Variants in SHISA6 observed in about 807,000 individuals in gnomAD.
The protein encoded by SHISA6 is shisa family member 6.
SHISA6 carries 22 observed loss-of-function variants against 47.9 expected under a neutral mutation model. The observed-to-expected ratio is 0.46, with a 90% confidence interval of 0.33 to 0.66. SHISA6 has a LOEUF of 0.66. Ranked by LOEUF, SHISA6 falls within the 30% of genes least tolerant of loss-of-function variation. The probability of loss-of-function intolerance (pLI) is 0.02; values close to 1 mark genes in which losing one functional copy is unlikely to be tolerated. For missense variants in SHISA6, 680 were observed against 764.6 expected, an observed-to-expected ratio of 0.89 and a Z score of 1.30; for synonymous variants, 388 against 337.8, an observed-to-expected ratio of 1.15 and a Z score of -1.63.
At chr17:11,369,031 T>C (rs7208113) in intron 2 of SHISA6, among the ~76,000 whole-genome samples, 75,795 of 152,026 alleles carry the variant, frequency 0.5, 19,313 homozygotes, top group Middle Eastern at 0.6. Context: ...ATGAAGATAA[T>C]TTAGAAAGCA....
At chr17:11,491,335 G>T (rs1916470358) in intron 3 of SHISA6, among the ~76,000 whole-genome samples, 1 of 152,128 alleles carries the variant, frequency 6.6e-6, no homozygotes, top group Non-Finnish European at 1.5e-5. Flanking sequence ...TGTTACCTAG[G>T]CTGTAATGCA....
At chr17:11,373,663 G>A (rs2142239839) in intron 2 of SHISA6, among the ~76,000 whole-genome samples, 1 of 152,124 alleles carries the variant, frequency 6.6e-6, no homozygotes, top group Non-Finnish European at 1.5e-5. Flanking sequence ...TGCTTTTCTT[G>A]TTTGCTTTGT....
chr17:11,314,430 C>T (rs1009204164), intron 2 of SHISA6, among the ~76,000 whole-genome samples: 6 of 151,028 alleles, frequency 4.0e-5, no homozygotes, highest in Admixed American at 1.3e-4. Context: ...TTACTTTGGT[C>T]TATAAATAAG....
At chr17:11,531,805 T>C (rs907957094) in intron 3 of SHISA6, among the ~76,000 whole-genome samples, 8 of 152,244 alleles carry the variant, frequency 5.3e-5, no homozygotes, top group Admixed American at 2.0e-4. Context: ...CCATGCATTG[T>C]ATATTTCAAA....
intron 2 of SHISA6, among the ~76,000 whole-genome samples, chr17:11,359,771 G>A (rs1197336217): frequency 1.3e-5 from 2 of 152,126 alleles, no homozygotes; most frequent in Non-Finnish European, 2.9e-5. Flanking sequence ...TTCTCACCGG[G>A]AAGTGGGAGA....
chr17:11,544,115 A>G (rs1660802673), intron 3 of SHISA6, among the ~76,000 whole-genome samples: 1 of 152,068 alleles, frequency 6.6e-6, no homozygotes, highest in African/African-American at 2.4e-5. Flanking sequence ...ACTATAAAGC[A>G]TGAAGAAAAA....
At chr17:11,388,566 T>G (rs2142253158) in intron 3 of SHISA6, among the ~76,000 whole-genome samples, 1 of 151,872 alleles carries the variant, frequency 6.6e-6, no homozygotes, top group Non-Finnish European at 1.5e-5. Flanking sequence ...GTGCTCAGCT[T>G]TATTCAGTAG....
In SHISA6 at chr17:11,555,938, A is replaced by G. The variant is rs1168337623; in HGVS notation, c.1105+46A>G. 5 of 1,475,538 alleles carry G rather than the reference A, an allele frequency of 3.4e-6. No homozygotes were observed. The African/African-American group carries it at 5.7e-5, about 17-fold the overall frequency. 91.4% of individuals were successfully genotyped at this position (1,475,538 alleles called of 1,614,324 possible). A position where few individuals can be genotyped will look rare whatever the true frequency, so the allele number is the denominator to read the frequency against. On this transcript the variant is annotated intron_variant, in intron 5 of 5. Coordinates refer to ENST00000441885, the MANE Select transcript of SHISA6 (RefSeq NM_207386.4). ...GTTGGGGTCTGTCTCTGGGGCTCCA[A>G]GATATCTTCCTATGTCACACTCTCT...
At chr17:11,260,274 G>A (rs1158023235) in intron 1 of SHISA6, among the ~76,000 whole-genome samples, 1 of 152,070 alleles carries the variant, frequency 6.6e-6, no homozygotes, top group Non-Finnish European at 1.5e-5. Flanking sequence ...AGATAATTCA[G>A]GCAAAAGAAT....
chr17:11,398,656 G>A (rs1033582608), intron 3 of SHISA6, among the ~76,000 whole-genome samples: 2 of 151,818 alleles, frequency 1.3e-5, no homozygotes, highest in East Asian at 1.9e-4. Context: ...ACAGTAGCGC[G>A]ATCTCAGCTC....
chr17:11,410,260 C>T (rs1010618215), intron 3 of SHISA6, among the ~76,000 whole-genome samples: 12 of 152,192 alleles, frequency 7.9e-5, no homozygotes, highest in South Asian at 2.1e-4. Context: ...CAACAACCCT[C>T]GGAGGAGGTT....
chr17:11,342,660 C>T (rs978292993), intron 2 of SHISA6, among the ~76,000 whole-genome samples: 1 of 152,158 alleles, frequency 6.6e-6, no homozygotes, highest in African/African-American at 2.4e-5. Flanking sequence ...AATAAACAAC[C>T]AACCCCTCCT....
At chr17:11,342,463 G>T (rs909393825) in intron 2 of SHISA6, among the ~76,000 whole-genome samples, 2 of 152,082 alleles carry the variant, frequency 1.3e-5, no homozygotes, top group Non-Finnish European at 2.9e-5. Context: ...ATCAGTCTAG[G>T]GGAGCCAGAC....
chr17:11,535,464 C>T (rs2071778680), intron 3 of SHISA6, among the ~76,000 whole-genome samples: 1 of 152,210 alleles, frequency 6.6e-6, no homozygotes, highest in Non-Finnish European at 1.5e-5. Context: ...CAAAGAATAG[C>T]TACATTGCTC....
chr17:11,285,848 T>TC (rs1414998948), intron 2 of SHISA6, among the ~76,000 whole-genome samples: 5 of 150,310 alleles, frequency 3.3e-5, no homozygotes, highest in Admixed American at 6.6e-5. Context: ...TTTTTTTTTT[T>TC]TTTTTTGAGA....
At chr17:11,490,928 G>C (rs1916459252) in intron 3 of SHISA6, among the ~76,000 whole-genome samples, 1 of 152,254 alleles carries the variant, frequency 6.6e-6, no homozygotes, top group Non-Finnish European at 1.5e-5. Context: ...CCCTATCTGG[G>C]CCATGCCCAG....
At chr17:11,288,991 G>T (rs1433529034) in intron 2 of SHISA6, 2 of 151,932 alleles carry the variant, frequency 1.3e-5, no homozygotes, top group Non-Finnish European at 2.9e-5. Context: ...TCTTAACTGA[G>T]GAGTAACAAA....
chr17:11,557,170 G>C (rs1368493242), intron 5 of SHISA6, among the ~76,000 whole-genome samples: 1 of 152,188 alleles, frequency 6.6e-6, no homozygotes, highest in Admixed American at 6.5e-5. Context: ...AAGGTGTTAC[G>C]ATGTTCCTAA....
At chr17:11,278,379 A>G (rs1301679233) in intron 2 of SHISA6, among the ~76,000 whole-genome samples, 1 of 152,168 alleles carries the variant, frequency 6.6e-6, no homozygotes, top group African/African-American at 2.4e-5. Flanking sequence ...GCTGCGTCCT[A>G]TTCATCTTTG....
Sources: gnomAD v4.1 joint callset for allele counts (sites outside exome capture counted in the v4.1 genomes callset) on GRCh38, gnomAD v4.1.1 for gene constraint, MANE v1.5 for transcripts, NCBI Gene and HGNC (gene_info 2026-07-23, HGNC 2026-07-21) for gene names.